SCN11A: variants seen among roughly 807,000 people sequenced by gnomAD.
SCN11A encodes the protein sodium voltage-gated channel alpha subunit 11, also known as sodium channel protein type 11 subunit alpha.
Under a neutral mutation model 162.2 loss-of-function variants are expected in SCN11A, and 122 were observed. That is an observed-to-expected ratio of 0.75 (90% CI 0.65 to 0.87). SCN11A has a LOEUF of 0.87. Ranked by LOEUF, SCN11A falls within the 40% of genes least tolerant of loss-of-function variation. The pLI, the probability that SCN11A is intolerant of heterozygous loss-of-function variation, is 0.00. For missense variants in SCN11A, 2,015 were observed against 2,181.6 expected, an observed-to-expected ratio of 0.92 and a Z score of 1.52; for synonymous variants, 758 against 751.5, an observed-to-expected ratio of 1.01 and a Z score of -0.14.
chr3:38,877,125 GTGTATATAC>G (rs1258132696), intron 23 of SCN11A, among the ~76,000 whole-genome samples: 22 of 110,110 alleles, frequency 2.0e-4, no homozygotes, highest in Non-Finnish European at 2.5e-4. Flanking sequence ...TATATATATG[GTGTATATAC>G]TATATATATG....
At chr3:39,015,806 G>A (rs1490478199) in intron 2 of SCN11A, among the ~76,000 whole-genome samples, 3 of 152,046 alleles carry the variant, frequency 2.0e-5, no homozygotes, top group Non-Finnish European at 4.4e-5. Context: ...GCGTGGTCTC[G>A]GGTCACTGCA....
chr3:38,878,979 T>C (rs1286066148), intron 23 of SCN11A, among the ~76,000 whole-genome samples: 1 of 152,148 alleles, frequency 6.6e-6, no homozygotes, highest in African/African-American at 2.4e-5. Flanking sequence ...CTTACTAGGT[T>C]GCACCAGTTT....
chr3:39,004,490 T>C (rs917131188), intron 2 of SCN11A, among the ~76,000 whole-genome samples: 2 of 152,328 alleles, frequency 1.3e-5, no homozygotes, highest in African/African-American at 4.8e-5. Flanking sequence ...CTTAGGATTG[T>C]CTTGAGTATT....
intron 7 of SCN11A, among the ~76,000 whole-genome samples, chr3:38,928,311 G>A (rs1428654454): frequency 6.6e-6 from 1 of 151,956 alleles, no homozygotes; most frequent in Non-Finnish European, 1.5e-5. Flanking sequence ...CTCTAAGTGT[G>A]AGTTGAACAA....
At chr3:39,003,317 T>C (rs1305611357) in intron 2 of SCN11A, among the ~76,000 whole-genome samples, 1 of 152,260 alleles carries the variant, frequency 6.6e-6, no homozygotes, top group Non-Finnish European at 1.5e-5. Flanking sequence ...TTACTAGGTA[T>C]AATGCCCTCC....
chr3:38,995,803 A>ATCTATCTGTCTG (rs1553648572), intron 2 of SCN11A, among the ~76,000 whole-genome samples: 1 of 135,150 alleles, frequency 7.4e-6, no homozygotes, highest in African/African-American at 3.1e-5. Flanking sequence ...TAAATTGTCT[A>ATCTATCTGTCTG]TCTATCTATC....
chr3:38,895,110 T>A, intron 18 of SCN11A, 146 bp from the exon 19 acceptor site: 1 of 679,630 alleles, frequency 1.5e-6, no homozygotes, highest in Non-Finnish European at 2.4e-6. Context: ...AGCTCATCTA[T>A]CCAATAAATA....
intron 29 of SCN11A, chr3:38,850,213 A>G (rs2064752173): frequency 2.9e-6 from 1 of 346,688 alleles, no homozygotes; most frequent in South Asian, 6.6e-5. Context: ...AGTCATTTTA[A>G]TTTTGTCTAT....
intron 19 of SCN11A, among the ~76,000 whole-genome samples, chr3:38,890,871 T>C (rs1339822195): frequency 1.3e-5 from 2 of 152,216 alleles, no homozygotes; most frequent in Non-Finnish European, 2.9e-5. Flanking sequence ...AGGGAGCAGA[T>C]TCCACTAAAA....
In SCN11A at chr3:38,915,185, C is replaced by T. The variant is rs76230201; in HGVS notation, c.959+4750G>A. 8.1e-3 allele frequency among the ~76,000 whole-genome samples: 1,233 copies of T among 152,122 alleles called. 13 individuals are homozygous for T. The highest frequency in any genetic ancestry group is 0.013 in the Non-Finnish European group (878 of 67,962). ...GGTCTATTCAGGGAATCAGTTTCTT[C>T]CCAGTTCAGTCTTGGCAGGGTGTTT... On this transcript the variant is annotated intron_variant, in intron 11 of 29. Transcript: ENST00000302328.
At chr3:38,859,239 T>A (rs2064922907) in intron 28 of SCN11A, among the ~76,000 whole-genome samples, 1 of 151,850 alleles carries the variant, frequency 6.6e-6, no homozygotes, top group Non-Finnish European at 1.5e-5. Context: ...AACAAAAAGC[T>A]GGTTATTTGG....
chr3:39,024,431 T>A (rs763487815), intron 2 of SCN11A, among the ~76,000 whole-genome samples: 1 of 152,154 alleles, frequency 6.6e-6, no homozygotes. Context: ...TCAGAGAACA[T>A]CTTTATGGCC....
chr3:38,988,732 T>C (rs1012078417), intron 2 of SCN11A, among the ~76,000 whole-genome samples: 5 of 152,208 alleles, frequency 3.3e-5, no homozygotes, highest in African/African-American at 4.8e-5. Flanking sequence ...AAAAGTTTAT[T>C]TTTATTACAA....
chr3:38,951,909 A>G (rs1017882808), intron 4 of SCN11A, among the ~76,000 whole-genome samples: 3 of 152,182 alleles, frequency 2.0e-5, no homozygotes, highest in African/African-American at 7.2e-5. Context: ...GGGCCAGATA[A>G]GAGAATAAAA....
intron 2 of SCN11A, among the ~76,000 whole-genome samples, chr3:38,987,775 C>T (rs2030310708): frequency 6.6e-6 from 1 of 152,174 alleles, no homozygotes; most frequent in Non-Finnish European, 1.5e-5. Context: ...GCCAAGGTGC[C>T]CTCTTGCTCC....
At chr3:39,036,477 C>T (rs1460739225) in intron 1 of SCN11A, among the ~76,000 whole-genome samples, 1 of 152,094 alleles carries the variant, frequency 6.6e-6, no homozygotes, top group Non-Finnish European at 1.5e-5. Context: ...CCCAAAAGCA[C>T]AGACAATCAA....
intron 2 of SCN11A, among the ~76,000 whole-genome samples, chr3:39,007,137 G>C (rs571852074): frequency 2.0e-5 from 3 of 152,162 alleles, no homozygotes; most frequent in South Asian, 4.2e-4. Context: ...CTCATACCAA[G>C]ACATATCACT....
chr3:38,960,676 C>T lies in SCN11A; in HGVS notation c.-279-253G>A, dbSNP rs141089427. On this transcript the variant is annotated intron_variant, in intron 2 of 29. Transcript: ENST00000302328. ...ATACAGAAAAGTCTGTGTGAAAAGCCAGGTTGTGCTTCCGCATTAAGCTTA... is the reference window on the plus strand; with the variant it reads ...ATACAGAAAAGTCTGTGTGAAAAGCTAGGTTGTGCTTCCGCATTAAGCTTA... Among the ~76,000 whole-genome samples the T allele has an allele frequency of 3.8e-3, 576 of 152,224 alleles. 4 individuals carry two copies. The highest frequency in any genetic ancestry group is 0.013 in the African/African-American group (532 of 41,532).
rs1185659360 is a variant in SCN11A at position 38,896,842 on chromosome 3, T to C, written c.2403+3A>G. On this transcript the variant is annotated splice_donor_region_variant and intron_variant, in intron 18 of 29. Coordinates refer to ENST00000302328, the MANE Select transcript of SCN11A (RefSeq NM_001349253.2). ...TTTTTTGAAAAAAATCTAAGACACA[T>C]ACCACAAGTTTTCCTATCACCGTGA... is the stretch of plus-strand genomic sequence containing the variant. The C allele has an allele frequency of 6.7e-7, 1 of 1,486,050 alleles. No individual in the cohort carries two copies. Among genetic ancestry groups the C allele is most frequent in the African/African-American group, 1.5e-5 (1 of 68,636 alleles). 92.1% of individuals were successfully genotyped at this position (1,486,050 alleles called of 1,614,324 possible).
Sources: gnomAD v4.1 joint callset for allele counts (sites outside exome capture counted in the v4.1 genomes callset) on GRCh38, gnomAD v4.1.1 for gene constraint, MANE v1.5 for transcripts, NCBI Gene and HGNC (gene_info 2026-07-23, HGNC 2026-07-21) for gene names.